The following CALN1 variants were observed in gnomAD, a reference collection of about 807,000 sequenced individuals.
CALN1 encodes the protein calcium-binding protein 8.
A neutral mutation model predicts 30.6 loss-of-function variants in CALN1; 17 were observed. The ratio of observed to expected loss-of-function variants is 0.56; its 90% CI spans 0.38 to 0.83. The LOEUF is 0.83. Ranked by LOEUF, CALN1 falls within the 40% of genes least tolerant of loss-of-function variation. CALN1 has a pLI of 0.00. For missense variants in CALN1, 291 were observed against 354.9 expected (o/e 0.82, Z 1.45); for synonymous variants, 156 against 131.4 (o/e 1.19, Z -1.28).
At chr7:71,958,676 C>T (rs1797091322) in intron 5 of CALN1, among the ~76,000 whole-genome samples, 1 of 152,196 alleles carries the variant, frequency 6.6e-6, no homozygotes, top group Non-Finnish European at 1.5e-5. Flanking sequence ...CAAGAAAGAA[C>T]AGGACACACT....
At chr7:72,094,795 AAAAC>A (rs1258862135) in intron 4 of CALN1, among the ~76,000 whole-genome samples, 1 of 152,174 alleles carries the variant, frequency 6.6e-6, no homozygotes, top group African/African-American at 2.4e-5. Flanking sequence ...TCCCTTCACC[AAAAC>A]AATGAGAAAC....
At chr7:71,837,470 G>T (rs1381727658) in intron 5 of CALN1, among the ~76,000 whole-genome samples, 1 of 152,164 alleles carries the variant, frequency 6.6e-6, no homozygotes, top group African/African-American at 2.4e-5. Flanking sequence ...GGATACAACA[G>T]AGAGATTCCA....
intron 3 of CALN1, among the ~76,000 whole-genome samples, chr7:72,115,323 A>T (rs996823048): frequency 1.3e-5 from 2 of 148,376 alleles, no homozygotes; most frequent in Non-Finnish European, 3.0e-5. Context: ...CTCACTTTTT[A>T]GCACCATCAT....
chr7:72,346,493 G>A (rs1227466059), intron 2 of CALN1, among the ~76,000 whole-genome samples: 1 of 151,950 alleles, frequency 6.6e-6, no homozygotes, highest in Non-Finnish European at 1.5e-5. Context: ...TTTTTAATTT[G>A]ATCTCCATTC....
chr7:72,411,590 G>A (rs910889853), intron 1 of CALN1, among the ~76,000 whole-genome samples: 3 of 152,174 alleles, frequency 2.0e-5, no homozygotes, highest in African/African-American at 7.2e-5. Context: ...TCAAATTGTA[G>A]TCTCAAAATA....
chr7:72,319,656 T>TTTGG lies in CALN1; in HGVS notation c.120-40850_120-40847dup, dbSNP rs139800651. On this transcript the variant is annotated intron_variant, in intron 2 of 6. Coordinates refer to ENST00000395275, the MANE Select transcript of CALN1 (RefSeq NM_031468.4). ...GTAAGTGAAATAAGTCAGAATACTA[T>TTTGG]TTGGTTTCCAAGCTATGCACAATAT... Among the ~76,000 whole-genome samples, 1,487 of 152,322 alleles carry TTTGG rather than the reference T, an allele frequency of 9.8e-3. 22 individuals are homozygous for TTTGG. Among genetic ancestry groups the TTTGG allele is most frequent in the African/African-American group, 0.034 (1,426 of 41,564 alleles).
chr7:72,135,426 G>A (rs913941092), intron 3 of CALN1, among the ~76,000 whole-genome samples: 9 of 152,176 alleles, frequency 5.9e-5, no homozygotes, highest in South Asian at 2.1e-4. Context: ...GCTGCAGAAC[G>A]GATGCTGTGT....
intron 5 of CALN1, among the ~76,000 whole-genome samples, chr7:71,888,690 G>C (rs1005198196): frequency 6.6e-6 from 1 of 152,012 alleles, no homozygotes; most frequent in Non-Finnish European, 1.5e-5. Flanking sequence ...GTCGTTTCTA[G>C]GGTAGGTCGG....
intron 3 of CALN1, among the ~76,000 whole-genome samples, chr7:72,186,018 A>G (rs1477475766): frequency 6.6e-6 from 1 of 152,170 alleles, no homozygotes; most frequent in African/African-American, 2.4e-5. Flanking sequence ...CAATGTCATT[A>G]CAAGAGTCCC....
At chr7:72,133,776 A>G (rs1463533621) in intron 3 of CALN1, among the ~76,000 whole-genome samples, 1 of 152,232 alleles carries the variant, frequency 6.6e-6, no homozygotes, top group Non-Finnish European at 1.5e-5. Flanking sequence ...GGACAAGGAT[A>G]CATCATTATT....
intron 5 of CALN1, among the ~76,000 whole-genome samples, chr7:71,846,032 G>A (rs368450013): frequency 6.6e-6 from 1 of 151,986 alleles, no homozygotes. Flanking sequence ...TAGCCTGGGG[G>A]ACAGAGCCAA....
intron 5 of CALN1, among the ~76,000 whole-genome samples, chr7:71,857,030 G>GTGTATGTA (rs1312776090): frequency 8.0e-5 from 12 of 150,162 alleles, no homozygotes; most frequent in African/African-American, 2.7e-4. Context: ...GTGTGTGTGT[G>GTGTATGTA]TGTGTGTGTG....
Position 72,273,358 on chromosome 7 carries a change from G to A in CALN1, c.244+5328C>T, listed in dbSNP as rs762730251. On this transcript the variant is annotated intron_variant, in intron 3 of 6. Coordinates refer to ENST00000395275, the MANE Select transcript of CALN1 (RefSeq NM_031468.4). ...AATCACTTGAACCCAGGAGGCAGACGTTGCAGTGAGCCAAGATTGCACCAC... is the reference window on the plus strand; with the variant it reads ...AATCACTTGAACCCAGGAGGCAGACATTGCAGTGAGCCAAGATTGCACCAC... 1.1e-3 allele frequency among the ~76,000 whole-genome samples: 148 copies of A among 140,508 alleles called. 1 individual carries two copies. The highest frequency in any genetic ancestry group is 2.1e-3 in the Non-Finnish European group (136 of 65,262). 92.2% of individuals were successfully genotyped at this position (140,508 alleles called of 152,430 possible).
chr7:72,010,568 T>C (rs928232244), intron 5 of CALN1, among the ~76,000 whole-genome samples: 5 of 152,072 alleles, frequency 3.3e-5, no homozygotes, highest in African/African-American at 1.2e-4. Flanking sequence ...TCTCAGCACT[T>C]TGGGAGGCCG....
intron 2 of CALN1, among the ~76,000 whole-genome samples, chr7:72,330,246 T>G (rs1389617757): frequency 6.6e-6 from 1 of 152,040 alleles, no homozygotes; most frequent in Admixed American, 6.6e-5. Context: ...GGAGTTGAGA[T>G]CATGCCACTG....
intron 3 of CALN1, among the ~76,000 whole-genome samples, chr7:72,149,145 C>T (rs771105413): frequency 3.3e-5 from 5 of 152,066 alleles, no homozygotes; most frequent in Non-Finnish European, 7.4e-5. Context: ...GCTTCCTGTA[C>T]AGCCTGCAGA....
At chr7:72,347,551 C>A (rs1488424822) in intron 2 of CALN1, among the ~76,000 whole-genome samples, 2 of 152,100 alleles carry the variant, frequency 1.3e-5, no homozygotes, top group Non-Finnish European at 2.9e-5. Flanking sequence ...CAGGGGTGAG[C>A]CACCAAGCCC....
At chr7:72,375,701 T>C (rs2129560543) in intron 2 of CALN1, among the ~76,000 whole-genome samples, 2 of 152,256 alleles carry the variant, frequency 1.3e-5, no homozygotes, top group South Asian at 2.1e-4. Flanking sequence ...AGGCTGGTCT[T>C]GAACTCCTGG....
intron 2 of CALN1, among the ~76,000 whole-genome samples, chr7:72,366,629 C>T (rs1803893879): frequency 6.6e-6 from 1 of 152,018 alleles, no homozygotes; most frequent in African/African-American, 2.4e-5. Context: ...TTAGCCCTGG[C>T]CCCCTTCCAT....
Sources: allele counts gnomAD v4.1 joint callset (sites outside exome capture counted in the v4.1 genomes callset), GRCh38; gene constraint gnomAD v4.1.1; transcripts MANE v1.5; gene names NCBI Gene and HGNC (gene_info 2026-07-23, HGNC 2026-07-21).